The following FBN2 variants were observed in gnomAD, a reference collection of about 807,000 sequenced individuals.
FBN2 encodes fibrillin 2.
FBN2 carries 105 observed loss-of-function variants against 355.6 expected under a neutral mutation model. The ratio of observed to expected loss-of-function variants is 0.30; its 90% CI spans 0.25 to 0.35. FBN2 has a LOEUF of 0.35. Among genes scored for constraint, FBN2 ranks in the 10% least tolerant of loss-of-function variants. FBN2 has a pLI of 1.00. For synonymous variants in FBN2, 1,350 were observed against 1,301.2 expected, an observed-to-expected ratio of 1.04 and a Z score of -0.81; for missense variants, 3,280 against 3,758.7, an observed-to-expected ratio of 0.87 and a Z score of 3.33.
chr5:128,358,464 C>T (rs1423013199), intron 19 of FBN2, among the ~76,000 whole-genome samples: 1 of 152,076 alleles, frequency 6.6e-6, no homozygotes, highest in Admixed American at 6.5e-5. Flanking sequence ...GAGGAAAGCA[C>T]ATAAACAAAT....
At chr5:128,527,114 T>C (rs1041340244) in intron 4 of FBN2, among the ~76,000 whole-genome samples, 2 of 152,128 alleles carry the variant, frequency 1.3e-5, no homozygotes, top group Non-Finnish European at 2.9e-5. Context: ...TGTGATTCAA[T>C]TTCAGAAATA....
At chr5:128,421,817 C>T (rs1035958742) in intron 7 of FBN2, among the ~76,000 whole-genome samples, 3 of 152,162 alleles carry the variant, frequency 2.0e-5, no homozygotes, top group Admixed American at 6.5e-5. Flanking sequence ...GAATAATAGC[C>T]ACCCAATGAT....
rs201849584 is a variant in FBN2 at position 128,361,859 on chromosome 5, C to T, written c.2429-11G>A. ...AACATTCATCAATGTCTGAAAGCAACGATTGAAAGATAGGAGATACACATA... is the reference window on the plus strand; with the variant it reads ...AACATTCATCAATGTCTGAAAGCAATGATTGAAAGATAGGAGATACACATA... On this transcript the variant is annotated splice_polypyrimidine_tract_variant and intron_variant, in intron 18 of 64. Coordinates refer to ENST00000262464, the MANE Select transcript of FBN2 (RefSeq NM_001999.4). 162 of 1,613,210 alleles carry T rather than the reference C, an allele frequency of 1.0e-4. 2 individuals carry two copies. The South Asian group carries it at 1.6e-3, about 16-fold the overall frequency.
intron 23 of FBN2, among the ~76,000 whole-genome samples, chr5:128,348,746 C>CT (rs1273796949): frequency 3.9e-5 from 6 of 152,004 alleles, no homozygotes; most frequent in African/African-American, 1.2e-4. Context: ...ATAGAAATTT[C>CT]TTTTTCAATC....
chr5:128,327,221 G>A (rs1003388156), intron 34 of FBN2, among the ~76,000 whole-genome samples: 6 of 152,190 alleles, frequency 3.9e-5, no homozygotes, highest in African/African-American at 7.2e-5. Context: ...GTAGAAGCAC[G>A]AACGCTTTCA....
At chr5:128,361,513 T>A (rs868218762) in intron 19 of FBN2, among the ~76,000 whole-genome samples, 1 of 152,246 alleles carries the variant, frequency 6.6e-6, no homozygotes, top group South Asian at 2.1e-4. Context: ...TGTGTGTTGA[T>A]ATTTTGTCTG....
At chr5:128,530,518 G>T in intron 3 of FBN2, 77 bp downstream of exon 3, 2 of 932,612 alleles carry the variant, frequency 2.1e-6, no homozygotes, top group Non-Finnish European at 3.5e-6. Flanking sequence ...AAACTCCCTG[G>T]CACATAGAAG....
At chr5:128,462,249 A>C (rs1339090670) in intron 6 of FBN2, among the ~76,000 whole-genome samples, 1 of 152,186 alleles carries the variant, frequency 6.6e-6, no homozygotes, top group Non-Finnish European at 1.5e-5. Context: ...ATCATCGTAT[A>C]AAAAAGATCA....
At chr5:128,522,730 T>A (rs1043253983) in intron 4 of FBN2, among the ~76,000 whole-genome samples, 5 of 152,128 alleles carry the variant, frequency 3.3e-5, no homozygotes, top group Non-Finnish European at 5.9e-5. Context: ...GAAAGGTATT[T>A]TACAAAAGAA....
intron 5 of FBN2, among the ~76,000 whole-genome samples, chr5:128,498,956 A>G (rs1002653115): frequency 3.9e-5 from 6 of 152,226 alleles, no homozygotes; most frequent in African/African-American, 9.6e-5. Flanking sequence ...GTCATTCTAC[A>G]TATTATTTTT....
At chr5:128,345,263 G>A in intron 24 of FBN2, 94 bp downstream of exon 24, 6 of 1,008,924 alleles carry the variant, frequency 5.9e-6, no homozygotes. Flanking sequence ...AATAAAGTGG[G>A]AAGTCAAACA....
intron 5 of FBN2, among the ~76,000 whole-genome samples, chr5:128,484,705 A>T (rs1331408833): frequency 6.6e-6 from 1 of 152,204 alleles, no homozygotes; most frequent in Non-Finnish European, 1.5e-5. Context: ...CTTATAAGAC[A>T]TGACTATTTT....
At chr5:128,457,785 C>T (rs1754438057) in intron 6 of FBN2, among the ~76,000 whole-genome samples, 1 of 150,520 alleles carries the variant, frequency 6.6e-6, no homozygotes, top group Non-Finnish European at 1.5e-5. Context: ...GCCTGTTCCT[C>T]AAGAGCTCAT....
intron 7 of FBN2, among the ~76,000 whole-genome samples, chr5:128,414,909 C>T (rs761120340): frequency 3.3e-5 from 5 of 151,936 alleles, no homozygotes; most frequent in African/African-American, 9.7e-5. Context: ...CCTTATTTGC[C>T]GTTTGCGTAT....
Position 128,529,510 on chromosome 5 carries a change from G to T in FBN2, c.436+1085C>A, listed in dbSNP as rs1756650857. Among the ~76,000 whole-genome samples the T allele has an allele frequency of 2.6e-5, 4 of 152,286 alleles. No individual in the cohort carries two copies. In the South Asian group the frequency reaches 8.3e-4, roughly 32 times the overall value. ...CTGATGAAATGGAAGGATTGCCCAA[G>T]GCCAAATGAATGCACAGATTCCCTG... On this transcript the variant is annotated intron_variant, in intron 3 of 64. Coordinates refer to ENST00000262464, the MANE Select transcript of FBN2 (RefSeq NM_001999.4).
At chr5:128,296,388 A>T (rs1452097057) in intron 48 of FBN2, among the ~76,000 whole-genome samples, 3 of 151,762 alleles carry the variant, frequency 2.0e-5, no homozygotes, top group Non-Finnish European at 4.4e-5. Flanking sequence ...TTTTCTATTG[A>T]TTGGAATAGT....
At chr5:128,523,628 A>C (rs1756492285) in intron 4 of FBN2, among the ~76,000 whole-genome samples, 1 of 152,028 alleles carries the variant, frequency 6.6e-6, no homozygotes, top group Admixed American at 6.6e-5. Flanking sequence ...CAATCTAATG[A>C]ATCCAAAACA....
chr5:128,411,675 G>A (rs1010183505), intron 7 of FBN2, among the ~76,000 whole-genome samples: 1 of 152,116 alleles, frequency 6.6e-6, no homozygotes, highest in Non-Finnish European at 1.5e-5. Context: ...GGTGGGCCAG[G>A]GTGGTTTTGG....
chr5:128,354,037 G>A (rs971681121), intron 20 of FBN2, among the ~76,000 whole-genome samples: 4 of 152,030 alleles, frequency 2.6e-5, no homozygotes, highest in East Asian at 3.9e-4. Flanking sequence ...TGCCCATCCC[G>A]GCCCCCAGAC....
Sources: gnomAD v4.1 joint callset for allele counts (sites outside exome capture counted in the v4.1 genomes callset) on GRCh38, gnomAD v4.1.1 for gene constraint, MANE v1.5 for transcripts, NCBI Gene and HGNC (gene_info 2026-07-23, HGNC 2026-07-21) for gene names.